Variants in RBFOX1 observed in about 807,000 individuals in gnomAD.
RBFOX1 encodes RNA binding fox-1 homolog 1.
A neutral mutation model predicts 57.7 loss-of-function variants in RBFOX1; 8 were observed. The ratio of observed to expected loss-of-function variants is 0.14; its 90% CI spans 0.08 to 0.25. RBFOX1 has a LOEUF of 0.25. RBFOX1 is among the 10% of genes least tolerant of loss of function. The pLI, the probability that RBFOX1 is intolerant of heterozygous loss-of-function variation, is 1.00. For missense variants in RBFOX1, 611 were observed against 548.5 expected, an observed-to-expected ratio of 1.11 and a Z score of -1.14; for synonymous variants, 326 against 222.4, an observed-to-expected ratio of 1.47 and a Z score of -4.15.
At chr16:6,976,096 C>G (rs1334944152) in intron 3 of RBFOX1, among the ~76,000 whole-genome samples, 3 of 152,034 alleles carry the variant, frequency 2.0e-5, no homozygotes, top group African/African-American at 7.2e-5. Flanking sequence ...CACTGCAGTT[C>G]AGCCTGGGCG....
chr16:6,806,643 G>T (rs1364047093), intron 3 of RBFOX1, among the ~76,000 whole-genome samples: 1 of 151,384 alleles, frequency 6.6e-6, no homozygotes, highest in Non-Finnish European at 1.5e-5. Flanking sequence ...CCTACACGCG[G>T]TAACAGATTT....
chr16:7,304,915 GGTGTGTGTGTGTGTGTGTGT>G (rs59599069), intron 4 of RBFOX1, among the ~76,000 whole-genome samples: 11 of 140,490 alleles, frequency 7.8e-5, no homozygotes, highest in East Asian at 2.2e-4. Flanking sequence ...TGTGTGGTGT[GGTGTGTGTGTGTGTGTGTGT>G]GTGTGTGTGT....
At chr16:7,128,723 G>A (rs1386350349) in intron 4 of RBFOX1, among the ~76,000 whole-genome samples, 1 of 151,816 alleles carries the variant, frequency 6.6e-6, no homozygotes, top group Non-Finnish European at 1.5e-5. Context: ...ATGGGAGGAT[G>A]TTCATGGTCA....
At chr16:6,572,820 C>T (rs975617299) in intron 2 of RBFOX1, among the ~76,000 whole-genome samples, 2 of 152,106 alleles carry the variant, frequency 1.3e-5, no homozygotes, top group Non-Finnish European at 2.9e-5. Context: ...CCTCGAACTC[C>T]TGACCTCAAG....
intron 2 of RBFOX1, among the ~76,000 whole-genome samples, chr16:6,629,625 A>C (rs918866703): frequency 6.6e-6 from 1 of 152,180 alleles, no homozygotes; most frequent in Admixed American, 6.5e-5. Context: ...GAGTATTGGG[A>C]GAGATGCTCA....
intron 2 of RBFOX1, among the ~76,000 whole-genome samples, chr16:6,532,956 C>T (rs1301178888): frequency 6.6e-6 from 1 of 152,210 alleles, no homozygotes; most frequent in African/African-American, 2.4e-5. Context: ...GACAGTCTCC[C>T]AGTGTCCCTG....
intron 3 of RBFOX1, among the ~76,000 whole-genome samples, chr16:6,975,718 C>T (rs1355864000): frequency 6.6e-6 from 1 of 152,170 alleles, no homozygotes; most frequent in Non-Finnish European, 1.5e-5. Context: ...ATTAGCACTG[C>T]TCATATGCTC....
chr16:6,287,844 A>G (rs2077054741), intron 1 of RBFOX1, among the ~76,000 whole-genome samples: 2 of 152,178 alleles, frequency 1.3e-5, no homozygotes, highest in African/African-American at 4.8e-5. Context: ...TAATCTAGAA[A>G]GATCTTTAGG....
intron 2 of RBFOX1, among the ~76,000 whole-genome samples, chr16:5,527,789 C>T (rs992644335): frequency 1.3e-5 from 2 of 152,076 alleles, no homozygotes; most frequent in Non-Finnish European, 2.9e-5. Flanking sequence ...TGAGAGGCCT[C>T]CTAAATGACA....
chr16:5,551,652 C>T (rs1481055408), intron 2 of RBFOX1, among the ~76,000 whole-genome samples: 3 of 151,972 alleles, frequency 2.0e-5, no homozygotes, highest in African/African-American at 4.8e-5. Context: ...TTTTTTTAAC[C>T]TTACGTTCTG....
chr16:5,268,909 T>A (rs1418546040), intron 1 of RBFOX1, among the ~76,000 whole-genome samples: 1 of 140,032 alleles, frequency 7.1e-6, no homozygotes, highest in Non-Finnish European at 1.6e-5. Context: ...ACACTTGTTA[T>A]TTTCTCTATT....
At chr16:5,267,718 T>G (rs775149470) in intron 1 of RBFOX1, among the ~76,000 whole-genome samples, 4 of 152,232 alleles carry the variant, frequency 2.6e-5, no homozygotes, top group Non-Finnish European at 4.4e-5. Flanking sequence ...TCCCACTTTC[T>G]GTCTCCTGTT....
At chr16:6,678,926 G>T (rs1474897632) in intron 3 of RBFOX1, among the ~76,000 whole-genome samples, 2 of 152,150 alleles carry the variant, frequency 1.3e-5, no homozygotes, top group Non-Finnish European at 2.9e-5. Context: ...ATTTGGGGTG[G>T]CACATGGATG....
At chr16:7,571,027 G>C (rs2092718140) in intron 5 of RBFOX1, among the ~76,000 whole-genome samples, 1 of 152,160 alleles carries the variant, frequency 6.6e-6, no homozygotes, top group African/African-American at 2.4e-5. Context: ...GTGGGAGCAG[G>C]ACAGTGAGAA....
At chr16:7,457,549 G>A (rs1343494717) in intron 4 of RBFOX1, among the ~76,000 whole-genome samples, 1 of 152,018 alleles carries the variant, frequency 6.6e-6, no homozygotes, top group East Asian at 1.9e-4. Flanking sequence ...GTGACTTTGG[G>A]GAAGTCCCTG....
chr16:7,445,816 T>C (rs1403284017), intron 4 of RBFOX1, among the ~76,000 whole-genome samples: 1 of 152,206 alleles, frequency 6.6e-6, no homozygotes, highest in Non-Finnish European at 1.5e-5. Flanking sequence ...ACAACAAATA[T>C]TTATAGAACC....
intron 1 of RBFOX1, among the ~76,000 whole-genome samples, chr16:6,210,353 A>ACC (rs2097286591): frequency 1.0e-5 from 1 of 96,646 alleles, no homozygotes; most frequent in Non-Finnish European, 2.4e-5. Flanking sequence ...AACAAAAAAA[A>ACC]AAAACACCAA....
chr16:5,454,860 T>TTC lies in RBFOX1; in HGVS notation c.220-12354_220-12353dup, dbSNP rs1298434575. On this transcript the variant is annotated intron_variant, in intron 1 of 2. Transcript: ENST00000585867. ...TCTTTCCTTTCTTTCTTTCTTTTCT[T>TTC]TCTTTCTTTCTTTCTTTCTTTCTTT... Among the ~76,000 whole-genome samples the TTC allele has an allele frequency of 3.9e-3, 113 of 28,644 alleles. 2 individuals carry two copies. Among genetic ancestry groups the TTC allele is most frequent in the Non-Finnish European group, 7.0e-3 (84 of 12,018 alleles). 18.8% of individuals were successfully genotyped at this position (28,644 alleles called of 152,430 possible). A position where few individuals can be genotyped will look rare whatever the true frequency, so the allele number is the denominator to read the frequency against.
At chr16:5,506,119 T>A (rs1050358051) in intron 2 of RBFOX1, among the ~76,000 whole-genome samples, 1 of 152,104 alleles carries the variant, frequency 6.6e-6, no homozygotes, top group Non-Finnish European at 1.5e-5. Flanking sequence ...ACACACCTCC[T>A]CCTGCTGGTC....
Sources: allele counts gnomAD v4.1 joint callset (sites outside exome capture counted in the v4.1 genomes callset), GRCh38; gene constraint gnomAD v4.1.1; transcripts MANE v1.5; gene names NCBI Gene and HGNC (gene_info 2026-07-23, HGNC 2026-07-21).